The following BRCA2 variants were observed in gnomAD, a reference collection of about 807,000 sequenced individuals.
BRCA2 encodes BRCA2 DNA repair associated, also known as breast cancer type 2 susceptibility protein.
BRCA2 carries 203 observed loss-of-function variants against 276.7 expected under a neutral mutation model. That is an observed-to-expected ratio of 0.73 (90% CI 0.65 to 0.82). The LOEUF is 0.82. Among genes scored for constraint, BRCA2 ranks in the 40% least tolerant of loss-of-function variants. BRCA2 has a pLI of 0.00. For missense variants in BRCA2, 3,920 were observed against 3,915.0 expected, an observed-to-expected ratio of 1.00 and a Z score of -0.03; for synonymous variants, 1,289 against 1,338.4, an observed-to-expected ratio of 0.96 and a Z score of 0.81.
At chr13:32,379,262 G>A (rs2137618573) in intron 21 of BRCA2, 55 bp from the exon 22 acceptor site, 1 of 1,573,752 alleles carries the variant, frequency 6.4e-7, no homozygotes, top group Non-Finnish European at 8.7e-7. Context: ...AGTTACAATA[G>A]ATGGAACTTT....
rs587782781 is a variant in BRCA2, at chr13:32,363,303, T to C, written c.8101T>C (p.Ser2701Pro). 6.2e-7 allele frequency: 1 copy of C among 1,614,168 alleles called. No homozygotes were observed. Among genetic ancestry groups the C allele is most frequent in the Non-Finnish European group, 8.5e-7 (1 of 1,180,026 alleles). ...CATAATTTCATTGAGCGCAAATATA[T>C]CTGAAACTTCTAGCAATAAAACTAG... ...SDIISLSANI[S>P]ETSSNKTSSA... is the part of the protein sequence containing the mutation. Residue 2701 changes from serine to proline, a missense_variant, in exon 18 of 27, where the codon TCT becomes CCT. Physicochemically the swap from Ser to Pro is moderately conservative, Grantham distance 74. Coordinates refer to ENST00000380152, the MANE Select transcript of BRCA2 (RefSeq NM_000059.4).
intron 18 of BRCA2, among the ~76,000 whole-genome samples, chr13:32,369,090 G>C (rs186229766): frequency 4.0e-4 from 61 of 152,194 alleles, no homozygotes; most frequent in Admixed American, 6.5e-4. Context: ...TTACAGGCGT[G>C]AGCCACAGCG....
chr13:32,360,075 A>G (rs1593922511), intron 16 of BRCA2, among the ~76,000 whole-genome samples: 1 of 152,344 alleles, frequency 6.6e-6, no homozygotes, highest in Non-Finnish European at 1.5e-5. Flanking sequence ...TTTTAATCTA[A>G]TAAGTAGTTA....
chr13:32,355,283 C>CT lies in BRCA2; in HGVS notation c.7433dup (p.Leu2478PhefsTer19), dbSNP rs779007406. 6.2e-7 allele frequency: 1 copy of CT among 1,613,566 alleles called. No homozygotes were observed. Among genetic ancestry groups the CT allele is most frequent in the South Asian group, 1.1e-5 (1 of 90,958 alleles). The stretch of plus-strand genomic sequence containing the variant: ...ACTTTCACAAAGTGTGAAGAAGAAC[C>CT]TTTAGGTATTGTATGACAATTTGTG... On this transcript the variant is annotated frameshift_variant, in exon 14 of 27. Coordinates refer to ENST00000380152, the MANE Select transcript of BRCA2 (RefSeq NM_000059.4). LOFTEE classifies it high-confidence loss of function.
In BRCA2 at chr13:32,340,692, A is replaced by G. The variant is rs1555284644; in HGVS notation, c.6337A>G (p.Asn2113Asp). ...SKILPRVDKR[N>D]PEHCVNSEME... is the part of the protein sequence containing the mutation. ...AATACTTCCTCGTGTTGATAAGAGA[A>G]ACCCAGAGCACTGTGTAAACTCAGA... Residue 2113 changes from asparagine to aspartate, a missense_variant, in exon 11 of 27, where the codon AAC (asparagine) becomes GAC (aspartate). Transcript: ENST00000380152. 6.2e-7 allele frequency: 1 copy of G among 1,608,180 alleles called. No individual in the cohort carries two copies. Among genetic ancestry groups the G allele is most frequent in the Non-Finnish European group, 8.5e-7 (1 of 1,178,700 alleles).
rs397507398 is a variant in BRCA2, at chr13:32,363,441, G to A, written c.8239G>A (p.Val2747Ile). ...TGTCTTAAAGAATGGCAGACTGACA[G>A]TTGGTCAGAAGATTATTCTTCATGG... is the stretch of plus-strand genomic sequence containing the variant. ...LAVLKNGRLT[V>I]GQKIILHGAE... Residue 2747 changes from valine (V) to isoleucine (I), a missense_variant, in exon 18 of 27, where the codon GTT becomes ATT. Physicochemically the swap from Val to Ile is conservative, Grantham distance 29. Around this residue, in one of 2 missense-constraint regions of BRCA2, gnomAD observed 3,263 missense variants for 3,156.9 expected, o/e 1.03. Transcript: ENST00000380152. The A allele has an allele frequency of 6.2e-7, 1 of 1,614,194 alleles. No homozygotes were observed. Among genetic ancestry groups the A allele is most frequent in the African/African-American group, 1.3e-5 (1 of 75,064 alleles).
intron 24 of BRCA2, among the ~76,000 whole-genome samples, chr13:32,391,188 G>T (rs762440511): frequency 6.6e-6 from 1 of 152,184 alleles, no homozygotes; most frequent in African/African-American, 2.4e-5. Flanking sequence ...CCTTTCTTAG[G>T]TTGGGAAAGA....
chr13:32,397,168 TGTG>T (rs2137660460), intron 26 of BRCA2, 124 bp downstream of exon 26: 1 of 1,108,716 alleles, frequency 9.0e-7, no homozygotes, highest in South Asian at 1.4e-5. Flanking sequence ...GTGGTTGTTA[TGTG>T]GCTCCTGTAA....
intron 13 of BRCA2, among the ~76,000 whole-genome samples, chr13:32,354,658 A>T (rs763500570): frequency 6.6e-6 from 1 of 152,120 alleles, no homozygotes; most frequent in Non-Finnish European, 1.5e-5. Flanking sequence ...CTCTTCTATT[A>T]TGTGTTATGT....
intron 24 of BRCA2, among the ~76,000 whole-genome samples, chr13:32,392,051 C>A (rs1466835784): frequency 6.6e-6 from 1 of 152,084 alleles, no homozygotes; most frequent in Non-Finnish European, 1.5e-5. Context: ...TAATTAGAGG[C>A]AAGTTCCAAA....
chr13:32,357,280 ACT>A (rs2072704613), intron 15 of BRCA2, among the ~76,000 whole-genome samples: 2 of 152,210 alleles, frequency 1.3e-5, no homozygotes, highest in South Asian at 4.1e-4. Context: ...CCAGAGTCAA[ACT>A]CTGAACAAAC....
chr13:32,361,269 T>C lies in BRCA2; in HGVS notation c.7806-1254T>C, dbSNP rs9534259. Among the ~76,000 whole-genome samples the C allele has an allele frequency of 0.19, 29,649 of 152,154 alleles. 3,712 individuals are homozygous for C. Among genetic ancestry groups the C allele is most frequent in the Non-Finnish European group, 0.27 (18,261 of 67,984 alleles). On this transcript the variant is annotated intron_variant, in intron 16 of 26. Transcript: ENST00000380152. ...GACCAGCTGTGGAAGCTGCTTCTAATAGGTAAAGTAAGATGAGGACTGAGA... is the reference window on the plus strand; with the variant it reads ...GACCAGCTGTGGAAGCTGCTTCTAACAGGTAAAGTAAGATGAGGACTGAGA...
In BRCA2 at chr13:32,349,772, G is replaced by A. The variant is rs11571694; in HGVS notation, c.7007+2876G>A. ...GGAGGCTGCAGTGAGCCAAGATTGC[G>A]CCACTGCACTCCAGCCTGGACGACA... On this transcript the variant is annotated intron_variant, in intron 13 of 26. Transcript: ENST00000380152. Among the ~76,000 whole-genome samples, 571 of 140,784 alleles carry A rather than the reference G, an allele frequency of 4.1e-3. 6 individuals are homozygous for A. Among genetic ancestry groups the A allele is most frequent in the African/African-American group, 2.6e-3 (97 of 37,646 alleles). 92.4% of individuals were successfully genotyped at this position (140,784 alleles called of 152,430 possible).
At chr13:32,396,849 A>G (rs1277769829) in intron 25 of BRCA2, 49 bp from the exon 26 acceptor site, 1 of 1,607,718 alleles carries the variant, frequency 6.2e-7, no homozygotes, top group Non-Finnish European at 8.5e-7. Flanking sequence ...GGAAACATAA[A>G]TATGTGGGTT....
chr13:32,391,816 T>C (rs2072999000), intron 24 of BRCA2, among the ~76,000 whole-genome samples: 1 of 152,236 alleles, frequency 6.6e-6, no homozygotes, highest in South Asian at 2.1e-4. Context: ...ATCAGTTGTA[T>C]GATAATTAAA....
Position 32,337,845 on chromosome 13 carries a change from C to A in BRCA2, c.3490C>A (p.Leu1164Ile), listed in dbSNP as rs2072481981. The stretch of plus-strand genomic sequence containing the variant: ...TTCTGAGGAATGCAGAGATGCTGAT[C>A]TTCATGTCATAATGAATGCCCCATC... The part of the protein sequence containing the change: ...TTSEECRDAD[L>I]HVIMNAPSIG... The change falls in exon 11 of 27, where the codon CTT becomes ATT. Residue 1164 changes from leucine (L) to isoleucine (I), a missense_variant. By Grantham distance (5) the Leu-to-Ile change is conservative (BLOSUM62 2). Transcript: ENST00000380152. 1 of 1,613,916 alleles carries A rather than the reference C, an allele frequency of 6.2e-7. No individual in the cohort carries two copies. Among genetic ancestry groups the A allele is most frequent in the Admixed American group, 1.7e-5 (1 of 59,990 alleles).
At position 32,340,559 on chromosome 13, in the gene BRCA2, T is replaced by C; in HGVS notation, c.6204T>C (p.Ile2068=). The change falls in exon 11 of 27, where the codon ATT becomes ATC. Residue 2068 remains isoleucine (I), a synonymous_variant. Transcript: ENST00000380152. ...CAGCAAGTGGAAAGCAAGTTTCCAT[T>C]TTAGAAAGTTCCTTACACAAAGTTA... ...FSTASGKQVS[I]LESSLHKVKG... The C allele has an allele frequency of 6.2e-7, 1 of 1,612,734 alleles. No individual in the cohort carries two copies. The highest frequency in any genetic ancestry group is 8.5e-7 in the Non-Finnish European group (1 of 1,179,294).
At chr13:32,323,098 A>G (rs2072317265) in intron 3 of BRCA2, among the ~76,000 whole-genome samples, 1 of 151,686 alleles carries the variant, frequency 6.6e-6, no homozygotes, top group Admixed American at 6.6e-5. Context: ...AGTGTTTTGA[A>G]TTCTAGCCAT....
At chr13:32,383,219 G>A (rs1292823319) in intron 24 of BRCA2, among the ~76,000 whole-genome samples, 2 of 148,080 alleles carry the variant, frequency 1.4e-5, no homozygotes, top group African/African-American at 2.5e-5. Flanking sequence ...AATTAGCCGG[G>A]TGTGGTGGCG....
Sources: allele counts gnomAD v4.1 joint callset (sites outside exome capture counted in the v4.1 genomes callset), GRCh38; gene constraint gnomAD v4.1.1; regional missense constraint gnomAD v4.1.1; transcripts MANE v1.5; gene names NCBI Gene and HGNC (gene_info 2026-07-23, HGNC 2026-07-21).